Variants in CCSER1 observed in about 807,000 individuals in gnomAD.
The protein encoded by CCSER1 is serine-rich coiled-coil domain-containing protein 1.
CCSER1 carries 41 observed loss-of-function variants against 82.0 expected under a neutral mutation model. The observed-to-expected ratio is 0.50, with a 90% confidence interval of 0.39 to 0.65. The LOEUF is 0.65. Ranked by LOEUF, CCSER1 falls within the 30% of genes least tolerant of loss-of-function variation. The pLI, the probability that CCSER1 is intolerant of heterozygous loss-of-function variation, is 0.00. For missense variants in CCSER1, 1,119 were observed against 1,064.2 expected (o/e 1.05, Z -0.72); for synonymous variants, 414 against 383.9 (o/e 1.08, Z -0.92).
chr4:90,276,189 T>TCTTC (rs1491400748), intron 1 of CCSER1, among the ~76,000 whole-genome samples: 37 of 30,702 alleles, frequency 1.2e-3, no homozygotes, highest in Non-Finnish European at 1.5e-3. Context: ...AACACTGTTT[T>TCTTC]CTTTCTTTCT....
rs114039509 is a variant in CCSER1 at position 90,721,965 on chromosome 4, A to T, written c.1933-1949A>T. Among the ~76,000 whole-genome samples, 445 of 151,746 alleles carry T rather than the reference A, an allele frequency of 2.9e-3. 2 individuals carry two copies. Among genetic ancestry groups the T allele is most frequent in the Non-Finnish European group, 3.6e-3 (246 of 67,702 alleles). On this transcript the variant is annotated intron_variant, in intron 6 of 10. Coordinates refer to ENST00000509176, the MANE Select transcript of CCSER1 (RefSeq NM_001145065.2). Reference sequence around the variant, plus strand: ...GATTTGAAAATTATAGCTAGAACACAATTTTCTCTTAGAATGACATTCAAA... The same window carrying T: ...GATTTGAAAATTATAGCTAGAACACTATTTTCTCTTAGAATGACATTCAAA...
intron 9 of CCSER1, among the ~76,000 whole-genome samples, chr4:91,024,907 A>G (rs1007771860): frequency 1.3e-5 from 2 of 152,062 alleles, no homozygotes; most frequent in Admixed American, 6.6e-5. Flanking sequence ...AGTATATTAT[A>G]TACATATTAG....
intron 10 of CCSER1, among the ~76,000 whole-genome samples, chr4:91,217,136 G>C (rs943601865): frequency 2.0e-5 from 3 of 151,816 alleles, no homozygotes; most frequent in East Asian, 3.9e-4. Flanking sequence ...AGACCTTCAC[G>C]GTGAGTGTTA....
chr4:91,125,077 A>G (rs1727390363), intron 10 of CCSER1, among the ~76,000 whole-genome samples: 1 of 151,734 alleles, frequency 6.6e-6, no homozygotes, highest in Non-Finnish European at 1.5e-5. Context: ...TATTTCTTTT[A>G]TACTTTAAAA....
chr4:90,130,483 A>T (rs1030247203), intron 1 of CCSER1, among the ~76,000 whole-genome samples: 1 of 152,218 alleles, frequency 6.6e-6, no homozygotes, highest in African/African-American at 2.4e-5. Flanking sequence ...AAGGTATAAG[A>T]TGCAAGTCTC....
chr4:90,360,352 C>A (rs1484855987), intron 3 of CCSER1, among the ~76,000 whole-genome samples: 34 of 145,932 alleles, frequency 2.3e-4, no homozygotes, highest in Admixed American at 4.7e-4. Context: ...CACGGTGAAA[C>A]CCCGTGTCTA....
At chr4:91,503,139 G>A (rs1278281575) in intron 10 of CCSER1, among the ~76,000 whole-genome samples, 2 of 151,854 alleles carry the variant, frequency 1.3e-5, no homozygotes, top group African/African-American at 2.4e-5. Context: ...TCAGGAGATC[G>A]AGACCATCCT....
rs371592827 is a variant in CCSER1 at position 90,326,055 on chromosome 4, C to CTTTT, written c.1509+13026_1509+13029dup. 7.3e-4 allele frequency among the ~76,000 whole-genome samples: 82 copies of CTTTT among 111,586 alleles called. 2 individuals carry two copies. The highest frequency in any genetic ancestry group is 8.9e-4 in the African/African-American group (28 of 31,342). 73.2% of individuals were successfully genotyped at this position (111,586 alleles called of 152,430 possible). On this transcript the variant is annotated intron_variant, in intron 3 of 10. Transcript: ENST00000509176. ...ATTTCACAATCTTCCTATGTGATAC[C>CTTTT]TTTTTTTTTTTTTTTTTTTTTGAGA...
At chr4:90,835,197 G>A (rs960543895) in intron 8 of CCSER1, among the ~76,000 whole-genome samples, 1 of 152,108 alleles carries the variant, frequency 6.6e-6, no homozygotes, top group African/African-American at 2.4e-5. Flanking sequence ...CGGGCGTGGT[G>A]GTGGACGCCT....
intron 10 of CCSER1, among the ~76,000 whole-genome samples, chr4:91,257,950 A>C (rs1381480653): frequency 6.6e-6 from 1 of 152,132 alleles, no homozygotes; most frequent in Non-Finnish European, 1.5e-5. Flanking sequence ...TAAGCATTTA[A>C]CTGGAGGCTG....
intron 3 of CCSER1, among the ~76,000 whole-genome samples, chr4:90,372,744 C>G (rs929191472): frequency 4.0e-5 from 6 of 151,176 alleles, no homozygotes; most frequent in Non-Finnish European, 8.9e-5. Context: ...AATGAAAACC[C>G]ATCTGAAAAA....
intron 1 of CCSER1, among the ~76,000 whole-genome samples, chr4:90,189,607 G>A (rs1011110114): frequency 7.9e-5 from 12 of 151,494 alleles, no homozygotes; most frequent in African/African-American, 1.9e-4. Flanking sequence ...TTTAATATTC[G>A]TAATGTTCCT....
intron 10 of CCSER1, among the ~76,000 whole-genome samples, chr4:91,567,438 T>C (rs1056020457): frequency 1.3e-5 from 2 of 150,666 alleles, no homozygotes; most frequent in African/African-American, 4.9e-5. Context: ...AATATGTTTA[T>C]TAAATTTTCT....
At chr4:90,887,907 C>CA (rs1722389092) in intron 8 of CCSER1, among the ~76,000 whole-genome samples, 1 of 151,836 alleles carries the variant, frequency 6.6e-6, no homozygotes, top group Non-Finnish European at 1.5e-5. Flanking sequence ...ACAACAACAA[C>CA]AAAAACACAA....
intron 1 of CCSER1, among the ~76,000 whole-genome samples, chr4:90,234,182 G>A (rs1367621057): frequency 6.6e-6 from 1 of 151,072 alleles, no homozygotes; most frequent in Non-Finnish European, 1.5e-5. Flanking sequence ...ATTTATCTGG[G>A]TGGGCCTCTG....
At chr4:90,437,664 G>A (rs1241052412) in intron 4 of CCSER1, among the ~76,000 whole-genome samples, 2 of 152,214 alleles carry the variant, frequency 1.3e-5, no homozygotes, top group East Asian at 3.9e-4. Flanking sequence ...GAACATACCA[G>A]AACATAGCAG....
At chr4:91,027,588 C>T (rs971490817) in intron 9 of CCSER1, among the ~76,000 whole-genome samples, 1 of 151,988 alleles carries the variant, frequency 6.6e-6, no homozygotes, top group Non-Finnish European at 1.5e-5. Flanking sequence ...ACCTGTCATT[C>T]TCACAGCCCT....
intron 1 of CCSER1, among the ~76,000 whole-genome samples, chr4:90,204,602 A>G (rs1738426910): frequency 6.6e-6 from 1 of 152,164 alleles, no homozygotes; most frequent in Non-Finnish European, 1.5e-5. Context: ...GTAGCCTTGT[A>G]GTATAGTTTG....
chr4:90,184,340 G>A (rs944447823), intron 1 of CCSER1, among the ~76,000 whole-genome samples: 1 of 152,130 alleles, frequency 6.6e-6, no homozygotes, highest in Non-Finnish European at 1.5e-5. Flanking sequence ...AGAAAGATTT[G>A]CACCAAAGAG....
Sources: gnomAD v4.1 joint callset for allele counts (sites outside exome capture counted in the v4.1 genomes callset) on GRCh38, gnomAD v4.1.1 for gene constraint, MANE v1.5 for transcripts, NCBI Gene and HGNC (gene_info 2026-07-23, HGNC 2026-07-21) for gene names.